Variants in HGS observed in about 807,000 individuals in gnomAD.
HGS encodes human growth factor-regulated tyrosine kinase substrate.
Under a neutral mutation model 109.7 loss-of-function variants are expected in HGS, and 63 were observed. The observed-to-expected ratio is 0.57, with a 90% CI of 0.47 to 0.71. The LOEUF is 0.71. Ranked by LOEUF, HGS falls within the 30% of genes least tolerant of loss-of-function variation. The pLI is 0.00. For synonymous variants in HGS, 546 were observed against 437.3 expected, an observed-to-expected ratio of 1.25 and a Z score of -3.10; for missense variants, 995 against 1,068.3, an observed-to-expected ratio of 0.93 and a Z score of 0.96.
Position 81,695,082 on chromosome 17 carries a change from C to G in HGS, c.1119+15C>G. On this transcript the variant is annotated intron_variant, in intron 13 of 21. Transcript: ENST00000329138. Reference sequence around the variant, plus strand: ...ACGTGGTGGAGGTGAGGGGGCCACTCCCGGCATTCCTAGTGGCAGGGTCCC... The same window carrying G: ...ACGTGGTGGAGGTGAGGGGGCCACTGCCGGCATTCCTAGTGGCAGGGTCCC... The G allele has an allele frequency of 6.2e-7, 1 of 1,612,302 alleles. No homozygotes were observed. Among genetic ancestry groups the G allele is most frequent in the Non-Finnish European group, 8.5e-7 (1 of 1,178,622 alleles).
chr17:81,686,514 C>T (rs918528882), intron 3 of HGS, 127 bp downstream of exon 3: 17 of 685,024 alleles, frequency 2.5e-5, no homozygotes, highest in Non-Finnish European at 4.1e-5. Context: ...GGAGAGTTTC[C>T]ACTCAGCCTT....
In HGS at chr17:81,701,848, C is replaced by T. The variant is rs2037243215; in HGVS notation, c.*230C>T. 2 of 565,624 alleles carry T rather than the reference C, an allele frequency of 3.5e-6. No individual in the cohort carries two copies. Among genetic ancestry groups the T allele is most frequent in the South Asian group, 6.5e-5 (2 of 30,880 alleles). 35.0% of individuals were successfully genotyped at this position (565,624 alleles called of 1,614,324 possible). A position where few individuals can be genotyped will look rare whatever the true frequency, so the allele number is the denominator to read the frequency against. On this transcript the variant is annotated 3_prime_UTR_variant, in exon 22 of 22. Coordinates refer to ENST00000329138, the MANE Select transcript of HGS (RefSeq NM_004712.5). Reference sequence around the variant, plus strand: ...GGGCTGGGCCATGGGGAGGGAAGGACTTTCTCCCAGGGGAAGCCCCCAGCC... The same window carrying T: ...GGGCTGGGCCATGGGGAGGGAAGGATTTTCTCCCAGGGGAAGCCCCCAGCC...
rs781115099 is a variant in HGS, at chr17:81,691,795, G to C, written c.662+224G>C. 1 of 509,156 alleles carries C rather than the reference G, an allele frequency of 2.0e-6. No individual in the cohort carries two copies. Among genetic ancestry groups the C allele is most frequent in the Non-Finnish European group, 3.5e-6 (1 of 283,998 alleles). 31.5% of individuals were successfully genotyped at this position (509,156 alleles called of 1,614,324 possible). On this transcript the variant is annotated intron_variant, in intron 8 of 21. Transcript: ENST00000329138. The surrounding 1 kb of genome is among the most constrained non-coding windows in gnomAD (Gnocchi z 5.3). The stretch of plus-strand genomic sequence containing the variant: ...ACAGGGCGCCGCGGCTCCAGGGACC[G>C]AGGCTGCCCCGACAAACCTGTTGCT...
At chr17:81,701,299 C>G in intron 21 of HGS, 168 bp downstream of exon 21, 2 of 799,360 alleles carry the variant, frequency 2.5e-6, no homozygotes, top group Non-Finnish European at 4.0e-6. Context: ...ACACAAGTCT[C>G]AGGGCAGATA....
chr17:81,701,396 G>C, intron 21 of HGS, 112 bp from the exon 22 acceptor site: 1 of 1,192,062 alleles, frequency 8.4e-7, no homozygotes, highest in Non-Finnish European at 1.2e-6. Flanking sequence ...GCTGCAGTCC[G>C]TGGACATGGA....
At chr17:81,696,334 G>T (rs1034533117) in intron 15 of HGS, 23 bp from the exon 16 acceptor site, 1 of 1,542,946 alleles carries the variant, frequency 6.5e-7, no homozygotes, top group Admixed American at 2.1e-5. Context: ...AGTGGTCAGG[G>T]TTGCTCTGTC....
intron 6 of HGS, 126 bp downstream of exon 6, chr17:81,690,360 G>A (rs562510967): frequency 4.9e-5 from 49 of 996,844 alleles, no homozygotes; most frequent in Non-Finnish European, 7.3e-5. Context: ...ACCTGAGGAT[G>A]CCTGTGTGTC....
intron 4 of HGS, among the ~76,000 whole-genome samples, chr17:81,687,991 C>T (rs1028946735): frequency 2.0e-5 from 3 of 152,238 alleles, no homozygotes; most frequent in African/African-American, 7.2e-5. Context: ...TTCAGTCAGG[C>T]TGCAGATCCT....
At position 81,695,771 on chromosome 17, in the gene HGS, C is replaced by G. The variant is rs146824742; in HGVS notation, c.1180-15C>G. ...GGCGTGGCCGCACTCATCCAGAACC[C>G]TGCTCTGCCTGCAGCCACAGTTCCA... On this transcript the variant is annotated splice_polypyrimidine_tract_variant and intron_variant, in intron 14 of 21. Coordinates refer to ENST00000329138, the MANE Select transcript of HGS (RefSeq NM_004712.5). The G allele has an allele frequency of 1.2e-6, 2 of 1,612,832 alleles. No homozygotes were observed. Among genetic ancestry groups the G allele is most frequent in the East Asian group, 2.2e-5 (1 of 44,884 alleles).
chr17:81,686,864 G>A (rs1007873987), intron 3 of HGS, 139 bp from the exon 4 acceptor site: 10 of 665,220 alleles, frequency 1.5e-5, no homozygotes, highest in Non-Finnish European at 2.4e-5. Context: ...GGGCTCTGCT[G>A]TCCCACCGGG....
chr17:81,688,608 T>C (rs1459644801), intron 4 of HGS, 96 bp from the exon 5 acceptor site: 8 of 1,487,048 alleles, frequency 5.4e-6, no homozygotes, highest in South Asian at 1.2e-5. Context: ...CAGCCCCATC[T>C]GCTCAGAGGC....
chr17:81,691,701 T>G lies in HGS; in HGVS notation c.662+130T>G. On this transcript the variant is annotated intron_variant, in intron 8 of 21. Coordinates refer to ENST00000329138, the MANE Select transcript of HGS (RefSeq NM_004712.5). This position sits in a 1 kb window ranked among gnomAD's most constrained non-coding sequence, Gnocchi z 5.3. ...CCCTCACAGCACAGCAGCTGGAAGG[T>G]CAAGGGAAACCCAGGGTGGCCGCAT... 7.9e-7 allele frequency: 1 copy of G among 1,271,684 alleles called. No individual in the cohort carries two copies. The allele number at this position is 1,271,684 out of a possible 1,614,324, so 78.8% of individuals were successfully genotyped here.
At chr17:81,684,767 T>C (rs930283629) in intron 1 of HGS, 2 of 225,998 alleles carry the variant, frequency 8.8e-6, no homozygotes, top group African/African-American at 4.7e-5. Flanking sequence ...GGGTAGGAGC[T>C]TGGGTGGTCG....
At chr17:81,687,263 A>G (rs899536225) in intron 4 of HGS, among the ~76,000 whole-genome samples, 168 bp downstream of exon 4, 2 of 152,208 alleles carry the variant, frequency 1.3e-5, no homozygotes, top group Non-Finnish European at 2.9e-5. Context: ...TCGGAGAGAC[A>G]GGGCCGTGAG....
rs1889023660 is a variant in HGS at position 81,701,692 on chromosome 17, T to C, written c.*74T>C. The C allele has an allele frequency of 6.7e-7, 1 of 1,500,368 alleles. No homozygotes were observed. The highest frequency in any genetic ancestry group is 1.2e-5 in the South Asian group (1 of 80,934). 92.9% of individuals were successfully genotyped at this position (1,500,368 alleles called of 1,614,324 possible). A position where few individuals can be genotyped will look rare whatever the true frequency, so the allele number is the denominator to read the frequency against. On this transcript the variant is annotated 3_prime_UTR_variant, in exon 22 of 22. Transcript: ENST00000329138. ...AACGCCTCGTCTCTAACTGCCGTCG[T>C]CCTGCCTCCCTGTCCTCTACTGCCG...
chr17:81,693,361 A>T (rs959390859), intron 8 of HGS, 142 bp from the exon 9 acceptor site: 8 of 676,962 alleles, frequency 1.2e-5, no homozygotes, highest in Non-Finnish European at 2.2e-5. Context: ...GAGTGTGGCC[A>T]TTCGGACACC....
At chr17:81,688,602 C>T (rs1410950247) in intron 4 of HGS, 102 bp from the exon 5 acceptor site, 8 of 1,445,272 alleles carry the variant, frequency 5.5e-6, no homozygotes, top group Non-Finnish European at 7.6e-6. Context: ...CTGTGTCAGC[C>T]CCATCTGCTC....
At chr17:81,688,548 G>C (rs1170586400) in intron 4 of HGS, among the ~76,000 whole-genome samples, 156 bp from the exon 5 acceptor site, 2 of 152,178 alleles carry the variant, frequency 1.3e-5, no homozygotes, top group Non-Finnish European at 2.9e-5. Flanking sequence ...GGAACAGGTT[G>C]GTGCATGGCC....
chr17:81,689,903 C>T (rs1377354254), intron 5 of HGS, among the ~76,000 whole-genome samples: 2 of 152,206 alleles, frequency 1.3e-5, no homozygotes, highest in African/African-American at 2.4e-5. Flanking sequence ...AGCCACTCAG[C>T]AGGCGGGGCC....
Sources: allele counts gnomAD v4.1 joint callset (sites outside exome capture counted in the v4.1 genomes callset), GRCh38; gene constraint gnomAD v4.1.1; non-coding constraint Gnocchi (gnomAD v3.1); transcripts MANE v1.5; gene names NCBI Gene and HGNC (gene_info 2026-07-23, HGNC 2026-07-21).